ARB2A: variants seen among roughly 807,000 people sequenced by gnomAD.
The protein encoded by ARB2A is ARB2 cotranscriptional regulator A, also known as cotranscriptional regulator ARB2A.
At chr5:93,971,621 A>G in the ARB2A span, among the ~76,000 whole-genome samples, 1 of 149,468 alleles carries the variant, frequency 6.7e-6, no homozygotes, top group Non-Finnish European at 1.5e-5. Context: ...AAACAAAAAT[A>G]CAATATTTAT....
chr5:93,995,846 T>C, the ARB2A span, among the ~76,000 whole-genome samples: 3 of 152,178 alleles, frequency 2.0e-5, no homozygotes, highest in Non-Finnish European at 4.4e-5. Flanking sequence ...TGAAATTTCA[T>C]AGCCCTGTCC....
At chr5:93,855,865 A>G in the ARB2A span, among the ~76,000 whole-genome samples, 1 of 151,940 alleles carries the variant, frequency 6.6e-6, no homozygotes, top group Non-Finnish European at 1.5e-5. Context: ...AAGATGGGGA[A>G]AAAACAGAGC....
chr5:93,780,536 TCCTCC>T, the ARB2A span, among the ~76,000 whole-genome samples: 4 of 127,170 alleles, frequency 3.1e-5, no homozygotes, highest in South Asian at 2.3e-4. Flanking sequence ...TTCTCCCATC[TCCTCC>T]CCTCCCCTCC....
chr5:94,004,357 G>A, the ARB2A span, among the ~76,000 whole-genome samples: 6 of 152,088 alleles, frequency 3.9e-5, no homozygotes, highest in Admixed American at 1.3e-4. Flanking sequence ...TGAGGCAGGC[G>A]GATCACAAGG....
At chr5:93,935,992 T>C in the ARB2A span, among the ~76,000 whole-genome samples, 16,034 of 152,218 alleles carry the variant, frequency 0.11, 971 homozygotes, top group Middle Eastern at 0.16. Flanking sequence ...ATAATAATTC[T>C]TTAAATTGAT....
chr5:93,803,454 G>A, the ARB2A span, among the ~76,000 whole-genome samples: 5 of 146,740 alleles, frequency 3.4e-5, no homozygotes, highest in South Asian at 2.3e-4. Context: ...CTCCCTCACC[G>A]CCCCCCCACC....
At chr5:93,643,810 T>A in the ARB2A span, among the ~76,000 whole-genome samples, 2 of 152,216 alleles carry the variant, frequency 1.3e-5, no homozygotes, top group African/African-American at 4.8e-5. Flanking sequence ...TTTTTAAAAT[T>A]CAATTTTAAG....
At chr5:93,720,934 T>C in the ARB2A span, among the ~76,000 whole-genome samples, 3 of 152,178 alleles carry the variant, frequency 2.0e-5, no homozygotes, top group Non-Finnish European at 4.4e-5. Context: ...CCCACCTTCA[T>C]GTGTATATTC....
At chr5:93,958,944 T>C in the ARB2A span, 18 of 1,599,814 alleles carry the variant, frequency 1.1e-5, no homozygotes, top group Non-Finnish European at 1.5e-5. Context: ...ATAAAACTCT[T>C]TGGTTCACTC....
the ARB2A span, among the ~76,000 whole-genome samples, chr5:93,942,529 G>C: frequency 9.3e-5 from 14 of 150,720 alleles, no homozygotes; most frequent in Non-Finnish European, 2.1e-4. Flanking sequence ...CACTCTTTAA[G>C]GGAAAAAAAA....
chr5:93,708,033 C>T, the ARB2A span, among the ~76,000 whole-genome samples: 8 of 152,308 alleles, frequency 5.3e-5, no homozygotes, highest in South Asian at 2.1e-4. Flanking sequence ...TGCCTTTCCC[C>T]TAGATTCAAT....
At chr5:93,956,918 AT>A in the ARB2A span, among the ~76,000 whole-genome samples, 1 of 152,262 alleles carries the variant, frequency 6.6e-6, no homozygotes, top group South Asian at 2.1e-4. Flanking sequence ...GTTCATATTC[AT>A]TTTTTTAAGA....
At chr5:93,996,849 C>A in the ARB2A span, among the ~76,000 whole-genome samples, 1 of 152,004 alleles carries the variant, frequency 6.6e-6, no homozygotes, top group Non-Finnish European at 1.5e-5. Context: ...TACTGTAAGT[C>A]TTCTACTCTG....
chr5:93,831,299 TA>T, the ARB2A span, among the ~76,000 whole-genome samples: 56 of 136,472 alleles, frequency 4.1e-4, 1 homozygote, highest in African/African-American at 1.2e-3. Context: ...ACTCCGCTGC[TA>T]AAAAAAAAAA....
At chr5:93,618,079 A>AAT in the ARB2A span, 1 of 152,144 alleles carries the variant, frequency 6.6e-6, no homozygotes, top group Non-Finnish European at 1.5e-5. Flanking sequence ...TTGTTGGGAA[A>AAT]ATTGTTTTTA....
the ARB2A span, among the ~76,000 whole-genome samples, chr5:93,874,033 T>A: frequency 1.3e-5 from 2 of 152,214 alleles, no homozygotes; most frequent in Admixed American, 6.5e-5. Flanking sequence ...TAGCTACAGA[T>A]CTAAAACAAA....
chr5:93,863,096 C>G, the ARB2A span: 1 of 151,898 alleles, frequency 6.6e-6, no homozygotes, highest in Non-Finnish European at 1.5e-5. Flanking sequence ...TAGCTCTGGG[C>G]AAGTGGCATC....
the ARB2A span, among the ~76,000 whole-genome samples, chr5:93,753,615 T>C: frequency 6.6e-6 from 1 of 152,228 alleles, no homozygotes; most frequent in Non-Finnish European, 1.5e-5. Context: ...CCAGAAGACA[T>C]CTACTATGCT....
At chr5:93,681,175 C>G in the ARB2A span, among the ~76,000 whole-genome samples, 1 of 152,042 alleles carries the variant, frequency 6.6e-6, no homozygotes, top group Non-Finnish European at 1.5e-5. Context: ...TTTGAGCTCT[C>G]AGAATTACTA....
Sources: allele counts gnomAD v4.1 joint callset (sites outside exome capture counted in the v4.1 genomes callset), GRCh38; gene constraint gnomAD v4.1.1; transcripts MANE v1.5; gene names NCBI Gene and HGNC (gene_info 2026-07-23, HGNC 2026-07-21).